DPP10: variants seen among roughly 807,000 people sequenced by gnomAD.
DPP10 encodes the protein dipeptidyl peptidase like 10.
DPP10 carries 33 observed loss-of-function variants against 120.9 expected under a neutral mutation model. The ratio of observed to expected loss-of-function variants is 0.27; its 90% confidence interval spans 0.21 to 0.37. DPP10 has a LOEUF of 0.37. Among genes scored for constraint, DPP10 ranks in the 10% least tolerant of loss-of-function variants. DPP10 has a pLI of 1.00. For missense variants in DPP10, 816 were observed against 942.8 expected, an observed-to-expected ratio of 0.87 and a Z score of 1.76; for synonymous variants, 337 against 326.1, an observed-to-expected ratio of 1.03 and a Z score of -0.36.
chr2:115,617,786 A>C (rs953686878), intron 5 of DPP10, among the ~76,000 whole-genome samples: 1 of 152,150 alleles, frequency 6.6e-6, no homozygotes, highest in Non-Finnish European at 1.5e-5. Context: ...ATCATTAAGT[A>C]ATGCATGACT....
chr2:115,603,999 A>G (rs2083532439), intron 5 of DPP10, among the ~76,000 whole-genome samples: 2 of 152,182 alleles, frequency 1.3e-5, no homozygotes, highest in Non-Finnish European at 2.9e-5. Context: ...TTATAAAGGT[A>G]GAGTGGTAAA....
intron 1 of DPP10, among the ~76,000 whole-genome samples, chr2:115,155,319 T>C (rs2051838183): frequency 6.6e-6 from 1 of 152,114 alleles, no homozygotes; most frequent in African/African-American, 2.4e-5. Flanking sequence ...ATGGGAAGGT[T>C]GTGAAAGGTG....
chr2:115,058,589 G>A (rs1334514737), intron 1 of DPP10, among the ~76,000 whole-genome samples: 4 of 151,992 alleles, frequency 2.6e-5, no homozygotes, highest in Non-Finnish European at 5.9e-5. Flanking sequence ...GAGTACAGAC[G>A]GGGTTTCGCC....
intron 1 of DPP10, among the ~76,000 whole-genome samples, chr2:114,497,062 T>C (rs12623905): frequency 0.67 from 99,949 of 148,914 alleles, 33,519 homozygotes; most frequent in East Asian, 0.71. Flanking sequence ...CATACATATA[T>C]ACATACACAT....
At chr2:115,202,483 C>T (rs2055809161) in intron 1 of DPP10, among the ~76,000 whole-genome samples, 1 of 152,172 alleles carries the variant, frequency 6.6e-6, no homozygotes, top group Admixed American at 6.5e-5. Flanking sequence ...TTTAATTGGA[C>T]AGCTTTGGTC....
chr2:115,531,854 T>C (rs1431581180), intron 5 of DPP10, among the ~76,000 whole-genome samples: 2 of 152,070 alleles, frequency 1.3e-5, no homozygotes, highest in African/African-American at 4.8e-5. Context: ...ATTCTGCCTG[T>C]TTTTGCACTT....
chr2:114,756,844 T>G (rs1395370008), intron 1 of DPP10, among the ~76,000 whole-genome samples: 1 of 152,056 alleles, frequency 6.6e-6, no homozygotes, highest in African/African-American at 2.4e-5. Flanking sequence ...ACCTCTAAAA[T>G]GAAACATTTA....
chr2:115,827,404 ATGTGTG>A (rs57052168), intron 21 of DPP10, among the ~76,000 whole-genome samples: 1 of 104,180 alleles, frequency 9.6e-6, no homozygotes. Context: ...GTGTGTGTGT[ATGTGTG>A]TGTGTATATA....
intron 1 of DPP10, among the ~76,000 whole-genome samples, chr2:114,971,251 C>T (rs1699375453): frequency 6.6e-6 from 1 of 152,106 alleles, no homozygotes; most frequent in South Asian, 2.1e-4. Flanking sequence ...TTATGGCTTG[C>T]TAGTCACTTT....
In DPP10 at chr2:114,574,760, G is replaced by T. The variant is rs184468194; in HGVS notation, c.60+131922G>T. ...TACAGCAAGCATTATGTGAGAGAAT[G>T]CAACTCTTTTTCTTATACATTTGAA... On this transcript the variant is annotated intron_variant, in intron 1 of 25. Transcript: ENST00000410059. Among the ~76,000 whole-genome samples the T allele has an allele frequency of 1.1e-3, 165 of 152,306 alleles. 2 individuals carry two copies. The highest frequency in any genetic ancestry group is 0.011 in the Admixed American group (165 of 15,302).
At chr2:115,244,456 A>G (rs1239258917) in intron 1 of DPP10, among the ~76,000 whole-genome samples, 2 of 151,948 alleles carry the variant, frequency 1.3e-5, no homozygotes, top group African/African-American at 4.8e-5. Flanking sequence ...ACTTAAAGCC[A>G]AAACAAATAG....
At chr2:114,934,433 A>T (rs1457118651) in intron 1 of DPP10, among the ~76,000 whole-genome samples, 1 of 152,222 alleles carries the variant, frequency 6.6e-6, no homozygotes, top group Non-Finnish European at 1.5e-5. Context: ...AAATATTCTT[A>T]CTACACATTA....
At chr2:115,688,511 G>T (rs1241452046) in intron 5 of DPP10, among the ~76,000 whole-genome samples, 5 of 152,068 alleles carry the variant, frequency 3.3e-5, no homozygotes, top group Admixed American at 1.3e-4. Flanking sequence ...AAAAATGAAA[G>T]TATCAATAAA....
At chr2:115,069,170 A>G (rs577452456) in intron 1 of DPP10, among the ~76,000 whole-genome samples, 1 of 152,232 alleles carries the variant, frequency 6.6e-6, no homozygotes, top group South Asian at 2.1e-4. Context: ...TTCTTCCAAT[A>G]TATAAACATA....
At chr2:115,522,653 G>A (rs2077885128) in intron 4 of DPP10, among the ~76,000 whole-genome samples, 1 of 152,128 alleles carries the variant, frequency 6.6e-6, no homozygotes, top group African/African-American at 2.4e-5. Flanking sequence ...TAGATGGCAG[G>A]ATTCATGCAT....
intron 1 of DPP10, among the ~76,000 whole-genome samples, chr2:114,537,924 G>A (rs769725797): frequency 7.2e-5 from 11 of 152,178 alleles, no homozygotes; most frequent in Non-Finnish European, 1.3e-4. Context: ...TTGGAAGTCT[G>A]GATCAGTGGT....
At chr2:115,804,685 C>T (rs1309169755) in intron 19 of DPP10, among the ~76,000 whole-genome samples, 1 of 152,236 alleles carries the variant, frequency 6.6e-6, no homozygotes, top group African/African-American at 2.4e-5. Flanking sequence ...TCGGAGTTTA[C>T]TGGAGGTCCA....
At chr2:115,200,737 A>G (rs1034576068) in intron 1 of DPP10, among the ~76,000 whole-genome samples, 15 of 152,270 alleles carry the variant, frequency 9.9e-5, no homozygotes, top group Admixed American at 7.2e-4. Flanking sequence ...ACTCTTTCTG[A>G]ACCTATTCTC....
intron 5 of DPP10, among the ~76,000 whole-genome samples, chr2:115,556,002 C>T (rs2149026323): frequency 6.6e-6 from 1 of 152,210 alleles, no homozygotes; most frequent in South Asian, 2.1e-4. Flanking sequence ...TTGTGATTAG[C>T]ATGGACTACC....
Sources: gnomAD v4.1 joint callset for allele counts (sites outside exome capture counted in the v4.1 genomes callset) on GRCh38, gnomAD v4.1.1 for gene constraint, MANE v1.5 for transcripts, NCBI Gene and HGNC (gene_info 2026-07-23, HGNC 2026-07-21) for gene names.